ASIC2: variants seen among roughly 807,000 people sequenced by gnomAD.
ASIC2 encodes the protein acid-sensing ion channel 2.
Under a neutral mutation model 57.3 loss-of-function variants are expected in ASIC2, and 25 were observed. The observed-to-expected ratio is 0.44, with a 90% CI of 0.32 to 0.61. The LOEUF (loss-of-function observed/expected upper bound fraction) is 0.61, where lower values mean the gene tolerates loss of function less well. Ranked by LOEUF, ASIC2 falls within the 20% of genes least tolerant of loss-of-function variation. ASIC2 has a pLI of 0.06. For missense variants in ASIC2, 641 were observed against 738.1 expected (o/e 0.87, Z 1.52); for synonymous variants, 319 against 307.5 (o/e 1.04, Z -0.39).
chr17:33,037,159 G>T (rs566688164), intron 3 of ASIC2, among the ~76,000 whole-genome samples: 48 of 147,070 alleles, frequency 3.3e-4, no homozygotes, highest in African/African-American at 1.2e-3. Flanking sequence ...GAATTGGTTG[G>T]ATCCCCTACA....
chr17:33,891,232 C>T (rs941466833), intron 1 of ASIC2, among the ~76,000 whole-genome samples: 11 of 152,174 alleles, frequency 7.2e-5, no homozygotes, highest in Non-Finnish European at 8.8e-5. Context: ...ACCCTGTGTT[C>T]CTTACCACCC....
intron 1 of ASIC2, among the ~76,000 whole-genome samples, chr17:33,280,999 T>A (rs571704217): frequency 5.3e-5 from 8 of 152,316 alleles, no homozygotes; most frequent in African/African-American, 1.9e-4. Context: ...CAGATGGGGA[T>A]GGCCAGAATA....
At chr17:33,070,006 C>G (rs1194831870) in intron 3 of ASIC2, among the ~76,000 whole-genome samples, 1 of 151,906 alleles carries the variant, frequency 6.6e-6, no homozygotes, top group African/African-American at 2.4e-5. Flanking sequence ...CATTTATACC[C>G]TTTGTTGGAT....
intron 1 of ASIC2, among the ~76,000 whole-genome samples, chr17:34,011,243 G>A (rs1405967581): frequency 6.6e-6 from 1 of 151,868 alleles, no homozygotes; most frequent in Non-Finnish European, 1.5e-5. Context: ...AAACAGAAAC[G>A]CAGCCACACA....
At chr17:33,212,246 G>C (rs1214939461) in intron 1 of ASIC2, among the ~76,000 whole-genome samples, 2 of 152,186 alleles carry the variant, frequency 1.3e-5, no homozygotes, top group African/African-American at 4.8e-5. Context: ...CTTGAGATAA[G>C]AAGATTATCC....
intron 1 of ASIC2, among the ~76,000 whole-genome samples, chr17:33,577,818 G>A (rs533392281): frequency 6.6e-6 from 1 of 152,222 alleles, no homozygotes; most frequent in South Asian, 2.1e-4. Flanking sequence ...ACCACCATCC[G>A]TGAAACTCCT....
At chr17:33,932,741 A>AT (rs1164278543) in intron 1 of ASIC2, 45 of 58,546 alleles carry the variant, frequency 7.7e-4, no homozygotes, top group Non-Finnish European at 1.1e-3. Flanking sequence ...AAAAAAAAAA[A>AT]ATATATATAT....
intron 1 of ASIC2, among the ~76,000 whole-genome samples, chr17:33,352,324 T>C (rs1013535175): frequency 4.6e-5 from 7 of 152,098 alleles, no homozygotes; most frequent in Admixed American, 3.9e-4. Context: ...ATAGTCCAGA[T>C]ATCTCAGAAG....
intron 1 of ASIC2, among the ~76,000 whole-genome samples, chr17:34,092,994 T>A (rs1403688980): frequency 6.6e-6 from 1 of 152,236 alleles, no homozygotes; most frequent in Admixed American, 6.5e-5. Context: ...CCCCTCAACA[T>A]TAGGTTTGTG....
chr17:33,312,256 G>T (rs1906459571), intron 1 of ASIC2, among the ~76,000 whole-genome samples: 1 of 152,138 alleles, frequency 6.6e-6, no homozygotes, highest in Non-Finnish European at 1.5e-5. Flanking sequence ...AGCTTTGAAT[G>T]GTAGCCATTC....
At chr17:33,861,787 C>G (rs1914108016) in intron 1 of ASIC2, among the ~76,000 whole-genome samples, 1 of 152,218 alleles carries the variant, frequency 6.6e-6, no homozygotes, top group African/African-American at 2.4e-5. Context: ...CCAAGTACCT[C>G]TATGGTCAGA....
chr17:33,687,370 A>G (rs1446730635), intron 1 of ASIC2, among the ~76,000 whole-genome samples: 2 of 152,156 alleles, frequency 1.3e-5, no homozygotes, highest in African/African-American at 4.8e-5. Context: ...TCCAAACAAG[A>G]GAAGTAACAG....
chr17:33,426,631 G>T (rs946967290), intron 1 of ASIC2, among the ~76,000 whole-genome samples: 6 of 152,224 alleles, frequency 3.9e-5, no homozygotes, highest in African/African-American at 1.4e-4. Context: ...TGGACAGGCA[G>T]CCTTGAGCAC....
intron 1 of ASIC2, among the ~76,000 whole-genome samples, chr17:33,919,533 T>G (rs1291736016): frequency 6.6e-6 from 1 of 152,172 alleles, no homozygotes; most frequent in African/African-American, 2.4e-5. Flanking sequence ...GGATTAAAGA[T>G]GTAAATGTAA....
chr17:33,161,320 C>T (rs1905153939), intron 1 of ASIC2, among the ~76,000 whole-genome samples: 1 of 152,198 alleles, frequency 6.6e-6, no homozygotes, highest in Non-Finnish European at 1.5e-5. Flanking sequence ...TTCTTTTCCT[C>T]TCAAACCTAA....
At chr17:33,126,701 G>T (rs564203165) in intron 1 of ASIC2, among the ~76,000 whole-genome samples, 1 of 151,948 alleles carries the variant, frequency 6.6e-6, no homozygotes, top group Non-Finnish European at 1.5e-5. Flanking sequence ...CAGGAGAATC[G>T]CTTGAACCGG....
intron 1 of ASIC2, among the ~76,000 whole-genome samples, chr17:34,098,510 G>A (rs373839005): frequency 1.2e-3 from 184 of 152,280 alleles, no homozygotes; most frequent in African/African-American, 4.3e-3. Flanking sequence ...AAATGAGGGC[G>A]AATGTGCTCA....
chr17:33,195,840 G>A (rs1048422897), intron 1 of ASIC2, among the ~76,000 whole-genome samples: 1 of 152,164 alleles, frequency 6.6e-6, no homozygotes, highest in Non-Finnish European at 1.5e-5. Flanking sequence ...ACCCTCCTGG[G>A]TCATAGAGTG....
intron 1 of ASIC2, among the ~76,000 whole-genome samples, chr17:33,639,761 G>GAAAAAAAAAAAAAAA (rs3032192): frequency 8.0e-6 from 1 of 125,140 alleles, no homozygotes. Flanking sequence ...CTCAGGTTAA[G>GAAAAAAAAAAAAAAA]AAAAAAAAAA....
Sources: allele counts gnomAD v4.1 joint callset (sites outside exome capture counted in the v4.1 genomes callset), GRCh38; gene constraint gnomAD v4.1.1; transcripts MANE v1.5; gene names NCBI Gene and HGNC (gene_info 2026-07-23, HGNC 2026-07-21).